The following KCNMB2 variants were observed in gnomAD, a reference collection of about 807,000 sequenced individuals.
KCNMB2 encodes calcium-activated potassium channel subunit beta-2.
A neutral mutation model predicts 24.5 loss-of-function variants in KCNMB2; 9 were observed. That is an observed-to-expected ratio of 0.37 (90% confidence interval 0.22 to 0.64). The LOEUF is 0.64. Among genes scored for constraint, KCNMB2 ranks in the 30% least tolerant of loss-of-function variants. The pLI is 0.63. For synonymous variants in KCNMB2, 109 were observed against 104.4 expected, an observed-to-expected ratio of 1.04 and a Z score of -0.27; for missense variants, 226 against 284.3, an observed-to-expected ratio of 0.79 and a Z score of 1.47.
intron 1 of KCNMB2, among the ~76,000 whole-genome samples, chr3:178,692,924 T>C (rs4358278): frequency 0.25 from 38,436 of 152,116 alleles, 5,392 homozygotes; most frequent in African/African-American, 0.37. Flanking sequence ...TCTGATTTAT[T>C]TGAGCCATGT....
intron 1 of KCNMB2, among the ~76,000 whole-genome samples, chr3:178,756,216 G>GTA (rs1416410819): frequency 6.6e-6 from 1 of 151,814 alleles, no homozygotes; most frequent in South Asian, 2.1e-4. Flanking sequence ...ACATGTGTGT[G>GTA]TATATATATG....
intron 1 of KCNMB2, among the ~76,000 whole-genome samples, chr3:178,765,600 C>G (rs914660938): frequency 1.7e-5 from 2 of 119,264 alleles, no homozygotes; most frequent in African/African-American, 7.7e-5. Flanking sequence ...GCTTCTAGAT[C>G]AGTTCTGCTA....
chr3:178,547,762 G>A (rs1038580967), intron 1 of KCNMB2, among the ~76,000 whole-genome samples: 2 of 152,042 alleles, frequency 1.3e-5, no homozygotes, highest in South Asian at 2.1e-4. Context: ...ACTTAAAACC[G>A]AAGCCATCTC....
At chr3:178,722,983 C>T (rs946293644) in intron 1 of KCNMB2, among the ~76,000 whole-genome samples, 8 of 152,050 alleles carry the variant, frequency 5.3e-5, no homozygotes, top group South Asian at 2.1e-4. Flanking sequence ...AGTGTCCTTT[C>T]GATATTGGGC....
At position 178,568,797 on chromosome 3, in the gene KCNMB2, AG is replaced by A. The variant is rs1480517632; in HGVS notation, c.-68+32087del. ...ATGATAGATAGATAGATAGATAGAT[AG>A]ATAGATAGATAGATAGATAATAGAT... On this transcript the variant is annotated intron_variant, in intron 1 of 4. Coordinates refer to ENST00000452583, the MANE Select transcript of KCNMB2 (RefSeq NM_181361.3). Among the ~76,000 whole-genome samples the A allele has an allele frequency of 8.9e-4, 100 of 112,670 alleles. 1 individual carries two copies. In the South Asian group the frequency reaches 0.014, roughly 15 times the overall value. The allele number at this position is 112,670 out of a possible 152,430, so 73.9% of individuals were successfully genotyped here. A position where few individuals can be genotyped will look rare whatever the true frequency, so the allele number is the denominator to read the frequency against.
intron 1 of KCNMB2, among the ~76,000 whole-genome samples, chr3:178,690,949 T>C (rs1375373194): frequency 6.6e-6 from 1 of 151,946 alleles, no homozygotes; most frequent in Non-Finnish European, 1.5e-5. Context: ...TAATCTTTTA[T>C]TTTTTTAAGA....
intron 1 of KCNMB2, among the ~76,000 whole-genome samples, chr3:178,650,139 G>T (rs980544948): frequency 1.3e-5 from 2 of 152,112 alleles, no homozygotes; most frequent in Non-Finnish European, 2.9e-5. Context: ...CAGTTTCCAT[G>T]TAGTTGTATG....
intron 1 of KCNMB2, among the ~76,000 whole-genome samples, chr3:178,727,461 G>A (rs1004175660): frequency 2.0e-5 from 3 of 152,134 alleles, no homozygotes; most frequent in African/African-American, 7.2e-5. Context: ...GAGGAAATTT[G>A]CAGATGTGAT....
intron 1 of KCNMB2, among the ~76,000 whole-genome samples, chr3:178,744,978 C>T (rs1285143909): frequency 6.6e-6 from 1 of 152,206 alleles, no homozygotes; most frequent in Non-Finnish European, 1.5e-5. Flanking sequence ...CCACCTACTA[C>T]CTGTGTGACA....
At chr3:178,817,540 T>C (rs980204304) in intron 2 of KCNMB2, among the ~76,000 whole-genome samples, 2 of 152,162 alleles carry the variant, frequency 1.3e-5, no homozygotes, top group African/African-American at 4.8e-5. Flanking sequence ...GGCAGAGATG[T>C]ATAGCAGCTG....
At chr3:178,741,910 A>T (rs1723507937) in intron 1 of KCNMB2, among the ~76,000 whole-genome samples, 1 of 152,242 alleles carries the variant, frequency 6.6e-6, no homozygotes, top group African/African-American at 2.4e-5. Context: ...GAAATCCAAC[A>T]TTAATGGGTA....
chr3:178,572,663 T>C (rs1037514004), intron 1 of KCNMB2, among the ~76,000 whole-genome samples: 16 of 152,244 alleles, frequency 1.1e-4, no homozygotes, highest in African/African-American at 3.9e-4. Context: ...AACAGCAAGA[T>C]AAAACAAAGG....
chr3:178,794,528 G>A (rs1445204857), intron 1 of KCNMB2, among the ~76,000 whole-genome samples: 2 of 152,204 alleles, frequency 1.3e-5, no homozygotes, highest in Non-Finnish European at 2.9e-5. Flanking sequence ...CTGTGGGACT[G>A]TTAGACCTGC....
chr3:178,785,896 CTT>C (rs1013405800), intron 1 of KCNMB2, among the ~76,000 whole-genome samples: 1 of 152,044 alleles, frequency 6.6e-6, no homozygotes, highest in Non-Finnish European at 1.5e-5. Context: ...TTTAATTAAT[CTT>C]CATGAGAAAT....
At chr3:178,581,243 C>A (rs185933942) in intron 1 of KCNMB2, among the ~76,000 whole-genome samples, 1 of 152,068 alleles carries the variant, frequency 6.6e-6, no homozygotes, top group Non-Finnish European at 1.5e-5. Context: ...CTTTGACAGA[C>A]GTGACAAAAA....
rs1210558812 is a variant in KCNMB2, at chr3:178,758,523, GATGTATAT to G, written c.-67-48817_-67-48810del. Among the ~76,000 whole-genome samples the G allele has an allele frequency of 4.1e-3, 80 of 19,602 alleles. 9 individuals carry two copies. Among genetic ancestry groups the G allele is most frequent in the African/African-American group, 0.021 (75 of 3,554 alleles). 12.9% of individuals were successfully genotyped at this position (19,602 alleles called of 152,430 possible). Reference sequence around the variant, plus strand: ...ATATATATATATATCTCCAAGAGGAGATGTATATATATATATATATATATATATCCAAG... The same window carrying G: ...ATATATATATATATCTCCAAGAGGAGATATATATATATATATATATCCAAG... On this transcript the variant is annotated intron_variant, in intron 1 of 4. Coordinates refer to ENST00000452583, the MANE Select transcript of KCNMB2 (RefSeq NM_181361.3).
At chr3:178,803,025 AATT>A (rs1343948806) in intron 1 of KCNMB2, among the ~76,000 whole-genome samples, 4 of 152,310 alleles carry the variant, frequency 2.6e-5, no homozygotes, top group African/African-American at 9.6e-5. Context: ...GCCACTAACC[AATT>A]ATTATGTTAT....
chr3:178,645,478 G>T (rs938508767), intron 1 of KCNMB2, among the ~76,000 whole-genome samples: 2 of 152,112 alleles, frequency 1.3e-5, no homozygotes, highest in African/African-American at 4.8e-5. Context: ...TCTGTAAGGG[G>T]GATGCAAATT....
chr3:178,736,289 C>A (rs966481781), intron 1 of KCNMB2, among the ~76,000 whole-genome samples: 1 of 152,106 alleles, frequency 6.6e-6, no homozygotes, highest in South Asian at 2.1e-4. Context: ...AAAAGATAAC[C>A]CATCTAAACG....
Sources: gnomAD v4.1 joint callset for allele counts (sites outside exome capture counted in the v4.1 genomes callset) on GRCh38, gnomAD v4.1.1 for gene constraint, MANE v1.5 for transcripts, NCBI Gene and HGNC (gene_info 2026-07-23, HGNC 2026-07-21) for gene names.